TP63: variants seen among roughly 807,000 people sequenced by gnomAD.
TP63 encodes the protein tumor protein 63.
TP63 carries 17 observed loss-of-function variants against 82.8 expected under a neutral mutation model. The ratio of observed to expected loss-of-function variants is 0.21; its 90% CI spans 0.14 to 0.31. The LOEUF (loss-of-function observed/expected upper bound fraction) is 0.31, where lower values mean the gene tolerates loss of function less well. Ranked by LOEUF, TP63 falls within the 10% of genes least tolerant of loss-of-function variation. The pLI is 1.00. For synonymous variants in TP63, 330 were observed against 321.7 expected, an observed-to-expected ratio of 1.03 and a Z score of -0.28; for missense variants, 648 against 895.3, an observed-to-expected ratio of 0.72 and a Z score of 3.52.
chr3:189,791,934 A>G (rs1469493694), intron 3 of TP63, among the ~76,000 whole-genome samples: 1 of 152,104 alleles, frequency 6.6e-6, no homozygotes, highest in Non-Finnish European at 1.5e-5. Context: ...GCAATCTACT[A>G]TTATTACACA....
In TP63 at chr3:189,651,738, A is replaced by C. The variant is rs1712908862; in HGVS notation, c.62+20161A>C. 1.4e-5 allele frequency among the ~76,000 whole-genome samples: 2 copies of C among 146,082 alleles called. 1 individual carries two copies. Among genetic ancestry groups the C allele is most frequent in the African/African-American group, 5.2e-5 (2 of 38,702 alleles). On this transcript the variant is annotated intron_variant, in intron 1 of 13. Transcript: ENST00000264731. ...TGCATCATGGGCTGGGAGGCCTAGG[A>C]GGGAAAAAATGGTTTCCTGGGCTGA...
At chr3:189,843,392 C>T (rs1714422167) in intron 4 of TP63, among the ~76,000 whole-genome samples, 1 of 152,194 alleles carries the variant, frequency 6.6e-6, no homozygotes. Flanking sequence ...CTCCCAGCCT[C>T]CTTGGCTCAG....
At chr3:189,658,056 T>C (rs1181110433) in intron 1 of TP63, among the ~76,000 whole-genome samples, 3 of 152,028 alleles carry the variant, frequency 2.0e-5, no homozygotes, top group Non-Finnish European at 4.4e-5. Flanking sequence ...ATAAAACTGA[T>C]GCATCCTGTG....
intron 1 of TP63, among the ~76,000 whole-genome samples, chr3:189,703,332 G>A (rs1717951881): frequency 1.3e-5 from 2 of 152,162 alleles, no homozygotes; most frequent in Non-Finnish European, 2.9e-5. Context: ...TACTCAGGAG[G>A]CTGAGGCAGG....
intron 3 of TP63, among the ~76,000 whole-genome samples, chr3:189,788,742 C>T (rs1464117): frequency 9.2e-5 from 14 of 151,718 alleles, no homozygotes; most frequent in Non-Finnish European, 1.3e-4. Context: ...AATGTTGGTA[C>T]GTATTTATGT....
At chr3:189,770,548 G>A (rs192179213) in intron 3 of TP63, among the ~76,000 whole-genome samples, 180 of 148,484 alleles carry the variant, frequency 1.2e-3, no homozygotes, top group Non-Finnish European at 2.2e-3. Context: ...CTGGCCAACA[G>A]AGCAAGACTC....
chr3:189,681,315 ACCT>A (rs1314463220), intron 1 of TP63, among the ~76,000 whole-genome samples: 1 of 151,846 alleles, frequency 6.6e-6, no homozygotes, highest in Non-Finnish European at 1.5e-5. Context: ...AAGAGCTGGA[ACCT>A]CCTATTTCAC....
Position 189,894,189 on chromosome 3 carries a change from C to T in TP63, c.1747-17C>T. 6.2e-7 allele frequency: 1 copy of T among 1,614,142 alleles called. No individual in the cohort carries two copies. Among genetic ancestry groups the T allele is most frequent in the Non-Finnish European group, 8.5e-7 (1 of 1,180,014 alleles). On this transcript the variant is annotated splice_polypyrimidine_tract_variant and intron_variant, in intron 13 of 13. Coordinates refer to ENST00000264731, the MANE Select transcript of TP63 (RefSeq NM_003722.5). ...TCCCTGTTTTCATTCTCCATGACACCTTCCCCTGTTGCACAGGATCTGGCA... is the reference window on the plus strand; with the variant it reads ...TCCCTGTTTTCATTCTCCATGACACTTTCCCCTGTTGCACAGGATCTGGCA...
At chr3:189,702,691 A>C (rs897910196) in intron 1 of TP63, among the ~76,000 whole-genome samples, 17 of 152,234 alleles carry the variant, frequency 1.1e-4, no homozygotes, top group African/African-American at 4.1e-4. Flanking sequence ...TTAAAAAGGT[A>C]AATATTCAGG....
the TP63 span, among the ~76,000 whole-genome samples, chr3:189,620,136 G>A: frequency 6.6e-6 from 1 of 152,236 alleles, no homozygotes; most frequent in Non-Finnish European, 1.5e-5. Context: ...ACTTTGGGAG[G>A]CCGAGGCGGG....
intron 4 of TP63, among the ~76,000 whole-genome samples, chr3:189,852,402 C>T (rs1302879308): frequency 6.6e-6 from 1 of 152,238 alleles, no homozygotes; most frequent in Non-Finnish European, 1.5e-5. Flanking sequence ...CTCATTCATT[C>T]TGCTTTGATT....
At chr3:189,813,247 C>T (rs1441862864) in intron 4 of TP63, among the ~76,000 whole-genome samples, 1 of 152,112 alleles carries the variant, frequency 6.6e-6, no homozygotes, top group East Asian at 1.9e-4. Flanking sequence ...CTGGAAGCAA[C>T]CTGATCAGTC....
At chr3:189,878,487 C>T (rs1719501762) in intron 10 of TP63, among the ~76,000 whole-genome samples, 1 of 145,760 alleles carries the variant, frequency 6.9e-6, no homozygotes. Context: ...CTCCTGGGTT[C>T]GAACAACTCT....
At position 189,762,686 on chromosome 3, in the gene TP63, A is replaced by G. The variant is rs181373935; in HGVS notation, c.324+23912A>G. Among the ~76,000 whole-genome samples, 187 of 152,230 alleles carry G rather than the reference A, an allele frequency of 1.2e-3. 1 individual carries two copies. The highest frequency in any genetic ancestry group is 1.5e-3 in the Non-Finnish European group (105 of 68,042). On this transcript the variant is annotated intron_variant, in intron 3 of 13. Transcript: ENST00000264731. ...TTCTCATGAAAATCTCTTCCTTGGC[A>G]AAAGAACTAAAATGTCAAGCTTGTG...
chr3:189,865,969 T>A (rs1004107934), intron 5 of TP63, among the ~76,000 whole-genome samples: 1 of 152,184 alleles, frequency 6.6e-6, no homozygotes, highest in Non-Finnish European at 1.5e-5. Flanking sequence ...TATTGAATGG[T>A]TTTTGTAGAC....
chr3:189,648,027 T>G (rs943435934), intron 1 of TP63, among the ~76,000 whole-genome samples: 1 of 147,328 alleles, frequency 6.8e-6, no homozygotes, highest in African/African-American at 2.5e-5. Flanking sequence ...TACAGTAATG[T>G]TTTTTAAAGA....
intron 4 of TP63, among the ~76,000 whole-genome samples, chr3:189,827,172 C>T (rs1042500363): frequency 5.9e-5 from 9 of 152,214 alleles, no homozygotes; most frequent in African/African-American, 1.4e-4. Context: ...TCTCAAAGAG[C>T]TCACAGTCAA....
At chr3:189,676,128 G>A (rs75860565) in intron 1 of TP63, among the ~76,000 whole-genome samples, 3,445 of 152,166 alleles carry the variant, frequency 0.023, 145 homozygotes, top group African/African-American at 0.079. Context: ...TAATTAAAAT[G>A]TCCATCTCCT....
intron 3 of TP63, among the ~76,000 whole-genome samples, chr3:189,761,139 A>C (rs1267712773): frequency 1.3e-5 from 2 of 152,112 alleles, no homozygotes; most frequent in African/African-American, 4.8e-5. Context: ...CCCTGGAAAC[A>C]TTTTCCCCAT....
Sources: gnomAD v4.1 joint callset for allele counts (sites outside exome capture counted in the v4.1 genomes callset) on GRCh38, gnomAD v4.1.1 for gene constraint, MANE v1.5 for transcripts, NCBI Gene and HGNC (gene_info 2026-07-23, HGNC 2026-07-21) for gene names.